The following WDR90 variants were observed in gnomAD, a reference collection of about 807,000 sequenced individuals.
The protein encoded by WDR90 is WD repeat domain 90, also known as WD repeat-containing protein 90.
WDR90 carries 238 observed loss-of-function variants against 195.2 expected under a neutral mutation model. The observed-to-expected ratio is 1.22, with a 90% CI of 1.10 to 1.36. The LOEUF (loss-of-function observed/expected upper bound fraction) is 1.36. WDR90 is among the 40% of genes most tolerant of loss of function. The probability of loss-of-function intolerance (pLI) is 0.00; values close to 1 mark genes in which losing one functional copy is unlikely to be tolerated. For synonymous variants in WDR90, 1,265 were observed against 1,052.4 expected (o/e 1.20, Z -3.91); for missense variants, 2,734 against 2,439.5 (o/e 1.12, Z -2.54).
intron 13 of WDR90, 101 bp downstream of exon 13, chr16:653,904 G>A (rs1193031164): frequency 6.9e-7 from 1 of 1,447,038 alleles, no homozygotes; most frequent in Non-Finnish European, 9.5e-7. Flanking sequence ...ATGTGACCCT[G>A]GGTCCCTGCT....
intron 21 of WDR90, 99 bp from the exon 22 acceptor site, chr16:658,084 C>G: frequency 6.7e-7 from 1 of 1,497,756 alleles, no homozygotes; most frequent in Non-Finnish European, 8.9e-7. Context: ...GCCTGGGTGC[C>G]GAGTGCGTGT....
At position 659,111 on chromosome 16, in the gene WDR90, C is replaced by T. The variant is rs539125246; in HGVS notation, c.3037C>T (p.Pro1013Ser). ...ESDQSFPGAP[P>S]ACKTGPGAGP... ...CGACCAAAGCTTCCCCGGGGCCCCC[C>T]CAGCCTGCAAGACAGGTGAGTGGCT... Residue 1013 changes from proline to serine, a missense_variant, in exon 25 of 41, where the codon CCA (proline) becomes TCA (serine). Transcript: ENST00000293879. 8 of 1,612,378 alleles carry T rather than the reference C, an allele frequency of 5.0e-6. No individual in the cohort carries two copies. Among genetic ancestry groups the T allele is most frequent in the Admixed American group, 1.7e-5 (1 of 60,024 alleles).
chr16:659,595 C>T (rs1260046337), intron 26 of WDR90, among the ~76,000 whole-genome samples: 1 of 152,154 alleles, frequency 6.6e-6, no homozygotes, highest in Non-Finnish European at 1.5e-5. Context: ...GCAGCTTTTC[C>T]TCTCCCCCTT....
chr16:649,923 G>T, intron 2 of WDR90, 68 bp from the exon 3 acceptor site: 1 of 1,580,438 alleles, frequency 6.3e-7, no homozygotes, highest in South Asian at 1.1e-5. Flanking sequence ...CCCCGCCCCC[G>T]AGGGCCCCCT....
chr16:652,385 G>C, intron 9 of WDR90, 82 bp from the exon 10 acceptor site: 9 of 1,480,304 alleles, frequency 6.1e-6, no homozygotes, highest in Non-Finnish European at 8.3e-6. Context: ...CCCAGCTAGG[G>C]GTTGGCGGGG....
At chr16:665,637 C>G in intron 34 of WDR90, 42 bp from the exon 35 acceptor site, 1 of 1,611,956 alleles carries the variant, frequency 6.2e-7, no homozygotes, top group African/African-American at 1.3e-5. Flanking sequence ...CTTTACCCTG[C>G]CCAGGGGCCA....
Position 653,339 on chromosome 16 carries a change from A to T in WDR90, c.1123-2A>T. 1 of 1,540,146 alleles carries T rather than the reference A, an allele frequency of 6.5e-7. No homozygotes were observed. On this transcript the variant is annotated splice_acceptor_variant, in intron 10 of 40. Transcript: ENST00000293879. LOFTEE classifies it high-confidence loss of function. ...CCTCAGCCCCCCGCCCCCTTGTGCC[A>T]GGCCCTGTGGACCCCAGACGGGGCG...
In WDR90 at chr16:657,087, G is replaced by A; in HGVS notation, c.2343-4G>A. 6.3e-7 allele frequency: 1 copy of A among 1,597,556 alleles called. No homozygotes were observed. On this transcript the variant is annotated splice_region_variant and splice_polypyrimidine_tract_variant and intron_variant, in intron 19 of 40. Coordinates refer to ENST00000293879, the MANE Select transcript of WDR90 (RefSeq NM_145294.5). ...GGCCAGCGGGGTCCCTGTGTGTGCT[G>A]CAGGTGCCACCGAGGAGCTGTCACC...
intron 28 of WDR90, 164 bp from the exon 29 acceptor site, chr16:660,887 T>A: frequency 1.3e-6 from 1 of 773,816 alleles, no homozygotes; most frequent in Non-Finnish European, 1.7e-6. Flanking sequence ...TGAAGCACTT[T>A]GGCTACTGGA....
rs201105023 is a variant in WDR90 at position 650,720 on chromosome 16, C to T, written c.559+11C>T. 8 of 1,601,574 alleles carry T rather than the reference C, an allele frequency of 5.0e-6. No individual in the cohort carries two copies. The highest frequency in any genetic ancestry group is 3.3e-5 in the Admixed American group (2 of 59,772). On this transcript the variant is annotated intron_variant, in intron 5 of 40. Coordinates refer to ENST00000293879, the MANE Select transcript of WDR90 (RefSeq NM_145294.5). The stretch of plus-strand genomic sequence containing the variant: ...TGTGCTTTGAGCCTGGTGAGGGCCG[C>T]ACCTGCACTCCCCACTCCATATCTC...
rs772730346 is a variant in WDR90, at chr16:662,771, C to T, written c.4238C>T (p.Thr1413Met). The T allele has an allele frequency of 2.5e-6, 4 of 1,607,834 alleles. No homozygotes were observed. Among genetic ancestry groups the T allele is most frequent in the Admixed American group, 1.7e-5 (1 of 59,774 alleles). The change falls in exon 34 of 41, where the codon ACG becomes ATG. Residue 1413 changes from threonine to methionine, a missense_variant. Coordinates refer to ENST00000293879, the MANE Select transcript of WDR90 (RefSeq NM_145294.5). ...GTGGACATGGGCGTCGTGGGCACCACGGCGGGCACGCTGTGGTTTGTCAGC... is the reference window on the plus strand; with the variant it reads ...GTGGACATGGGCGTCGTGGGCACCATGGCGGGCACGCTGTGGTTTGTCAGC... ...DSVDMGVVGT[T>M]AGTLWFVSWA...
chr16:651,036 A>G lies in WDR90; in HGVS notation c.601A>G (p.Met201Val), dbSNP rs1482459869. Reference sequence around the variant, plus strand: ...GTGGGCAAAGCTGCCCGTGACTCCTATGCCTCGGGAAATGGCATTCCCTGT... The same window carrying G: ...GTGGGCAAAGCTGCCCGTGACTCCTGTGCCTCGGGAAATGGCATTCCCTGT... ...AQWAKLPVTP[M>V]PREMAFPVPK... Residue 201 changes from methionine (M) to valine (V), a missense_variant, in exon 6 of 41, where the codon ATG becomes GTG. Coordinates refer to ENST00000293879, the MANE Select transcript of WDR90 (RefSeq NM_145294.5). 3 of 1,613,154 alleles carry G rather than the reference A, an allele frequency of 1.9e-6. No individual in the cohort carries two copies. Among genetic ancestry groups the G allele is most frequent in the African/African-American group, 1.3e-5 (1 of 74,994 alleles).
chr16:661,388 A>G lies in WDR90; in HGVS notation c.3560A>G (p.Gln1187Arg). 1 of 1,611,258 alleles carries G rather than the reference A, an allele frequency of 6.2e-7. No homozygotes were observed. The highest frequency in any genetic ancestry group is 1.1e-5 in the South Asian group (1 of 91,008). ...SGRSSTTAHC[Q>R]IRVWDVSGGL... is the part of the protein sequence containing the mutation. Reference sequence around the variant, plus strand: ...CGAAGCAGCACGACCGCCCATTGTCAGATCCGCGTCTGGGACGTGTCTGGC... The same window carrying G: ...CGAAGCAGCACGACCGCCCATTGTCGGATCCGCGTCTGGGACGTGTCTGGC... Residue 1187 changes from glutamine to arginine, a missense_variant, in exon 30 of 41, where the codon CAG becomes CGG. By Grantham distance (43) the Gln-to-Arg change is conservative. Transcript: ENST00000293879.
In WDR90 at chr16:657,868, C is replaced by A; in HGVS notation, c.2580C>A (p.Val860=). The change falls in exon 21 of 41, where the codon GTC becomes GTA. Residue 860 remains valine (V), a synonymous_variant. Coordinates refer to ENST00000293879, the MANE Select transcript of WDR90 (RefSeq NM_145294.5). ...FVGPSRCTVT[V]MGSASLDELL... Reference sequence around the variant, plus strand: ...GACCCTCCAGGTGCACAGTGACAGTCATGGGCTCGGCCTCCCTTGATGAGG... The same window carrying A: ...GACCCTCCAGGTGCACAGTGACAGTAATGGGCTCGGCCTCCCTTGATGAGG... 6.3e-7 allele frequency: 1 copy of A among 1,587,050 alleles called. No individual in the cohort carries two copies. Among genetic ancestry groups the A allele is most frequent in the South Asian group, 1.1e-5 (1 of 87,524 alleles).
rs760090169 is a variant in WDR90, at chr16:653,707, C to T, written c.1379+37C>T. The T allele has an allele frequency of 2.5e-6, 4 of 1,613,082 alleles. No individual in the cohort carries two copies. In the African/African-American group the frequency reaches 4.0e-5, roughly 16 times the overall value. ...TCTGCCCCATGCAGGGGGAGGGGGT[C>T]AGCCCAGGCGACAATGACCACCTCC... is the stretch of plus-strand genomic sequence containing the variant. On this transcript the variant is annotated intron_variant, in intron 12 of 40. Coordinates refer to ENST00000293879, the MANE Select transcript of WDR90 (RefSeq NM_145294.5).
chr16:653,681 G>C lies in WDR90; in HGVS notation c.1379+11G>C. 3.7e-6 allele frequency: 6 copies of C among 1,613,326 alleles called. No individual in the cohort carries two copies. The highest frequency in any genetic ancestry group is 4.2e-6 in the Non-Finnish European group (5 of 1,179,890). On this transcript the variant is annotated intron_variant, in intron 12 of 40. Transcript: ENST00000293879. ...TGTCTGCTCTCTCAGGTGAGCACAG[G>C]TCTGCCCCATGCAGGGGGAGGGGGT...
At position 651,995 on chromosome 16, in the gene WDR90, C is replaced by T; in HGVS notation, c.1009C>T (p.His337Tyr). 6.2e-7 allele frequency: 1 copy of T among 1,605,582 alleles called. No homozygotes were observed. The highest frequency in any genetic ancestry group is 1.1e-5 in the South Asian group (1 of 89,942). ...TGCTGCCGGCACCCACGTGTTGACT[C>T]ACGAGTCGGCTGAGGTGCCCGTGGC... ...TAAAGTHVLTHESAEVPVART... is the reference protein window; with the variant it reads ...TAAAGTHVLTYESAEVPVART... The change falls in exon 9 of 41, where the codon CAC (histidine) becomes TAC (tyrosine). Residue 337 changes from histidine to tyrosine, a missense_variant. Physicochemically the swap from His to Tyr is moderately conservative, Grantham distance 83. Transcript: ENST00000293879.
At position 667,829 on chromosome 16, in the gene WDR90, C is replaced by T. The variant is rs1246723399; in HGVS notation, c.*240C>T. ...TTGTAATAAACATGGGCATTTATTG[C>T]ATTATTGCTGCATTGTTGCACTGGC... On this transcript the variant is annotated 3_prime_UTR_variant, in exon 41 of 41. Transcript: ENST00000293879. 5 of 647,048 alleles carry T rather than the reference C, an allele frequency of 7.7e-6. No homozygotes were observed. The South Asian group carries it at 8.9e-5, about 11-fold the overall frequency. 40.1% of individuals were successfully genotyped at this position (647,048 alleles called of 1,614,324 possible).
intron 1 of WDR90, 92 bp from the exon 2 acceptor site, chr16:649,671 C>T (rs2037598496): frequency 9.1e-6 from 12 of 1,317,232 alleles, no homozygotes; most frequent in Non-Finnish European, 1.2e-5. Context: ...AGAGCCCCGG[C>T]TCCTGCCTGG....
Sources: allele counts gnomAD v4.1 joint callset (sites outside exome capture counted in the v4.1 genomes callset), GRCh38; gene constraint gnomAD v4.1.1; transcripts MANE v1.5; gene names NCBI Gene and HGNC (gene_info 2026-07-23, HGNC 2026-07-21).